Variants in FAM117A observed in about 807,000 individuals in gnomAD.
FAM117A encodes family with sequence similarity 117 member A.
A neutral mutation model predicts 44.1 loss-of-function variants in FAM117A; 21 were observed. That is an observed-to-expected ratio of 0.48 (90% CI 0.34 to 0.69). The LOEUF (loss-of-function observed/expected upper bound fraction) is 0.69, where lower values mean the gene tolerates loss of function less well. Ranked by LOEUF, FAM117A falls within the 30% of genes least tolerant of loss-of-function variation. The pLI is 0.01. For synonymous variants in FAM117A, 220 were observed against 238.3 expected, an observed-to-expected ratio of 0.92 and a Z score of 0.71; for missense variants, 498 against 589.9, an observed-to-expected ratio of 0.84 and a Z score of 1.61.
intron 1 of FAM117A, among the ~76,000 whole-genome samples, chr17:49,760,306 A>G (rs1453471742): frequency 6.6e-6 from 1 of 152,232 alleles, no homozygotes; most frequent in African/African-American, 2.4e-5. Context: ...ATCTTTATAT[A>G]GGAAAAACAG....
chr17:49,788,556 A>G, exon 1 of FAM117A: 2 of 401,386 alleles, frequency 5.0e-6, no homozygotes, highest in South Asian at 6.1e-5. Flanking sequence ...CCCAACTTCA[A>G]AATGGCGCCC....
At chr17:49,762,797 C>T (rs1245755439) in intron 1 of FAM117A, among the ~76,000 whole-genome samples, 1 of 152,218 alleles carries the variant, frequency 6.6e-6, no homozygotes, top group African/African-American at 2.4e-5. Context: ...TCACTTTCAA[C>T]TTATTGCCAA....
At chr17:49,758,190 G>A (rs1177888491) in intron 1 of FAM117A, among the ~76,000 whole-genome samples, 3 of 151,682 alleles carry the variant, frequency 2.0e-5, no homozygotes, top group Non-Finnish European at 4.4e-5. Flanking sequence ...AAATTAGCTG[G>A]GCATGGTGGT....
At chr17:49,733,008 T>C (rs576445152) in intron 1 of FAM117A, 20 of 338,136 alleles carry the variant, frequency 5.9e-5, no homozygotes, top group Admixed American at 2.3e-4. Flanking sequence ...TAATGGACTA[T>C]GAACCGTGAA....
intron 1 of FAM117A, among the ~76,000 whole-genome samples, chr17:49,733,248 C>G (rs2073593993): frequency 6.6e-6 from 1 of 152,204 alleles, no homozygotes; most frequent in Non-Finnish European, 1.5e-5. Context: ...CCCAGGGAAC[C>G]CCGGTGGCTG....
chr17:49,730,192 C>A (rs1221859593), intron 2 of FAM117A, among the ~76,000 whole-genome samples: 1 of 152,232 alleles, frequency 6.6e-6, no homozygotes, highest in African/African-American at 2.4e-5. Flanking sequence ...CACCTCCTGA[C>A]TGCGGCCACA....
rs187054709 is a variant in FAM117A at position 49,732,573 on chromosome 17, C to T, written c.344G>A (p.Cys115Tyr). 21 of 1,614,132 alleles carry T rather than the reference C, an allele frequency of 1.3e-5. No homozygotes were observed. The Admixed American group carries it at 3.2e-4, about 24-fold the overall frequency. ...TACCTGGGTGGCCTTGTCATTGGTGCAGCAGGTGAAGGCCCCATCAGCATC... is the reference window on the plus strand; with the variant it reads ...TACCTGGGTGGCCTTGTCATTGGTGTAGCAGGTGAAGGCCCCATCAGCATC... The part of the protein sequence containing the change: ...PRDADGAFTC[C>Y]TNDKATQTPL... The change falls in exon 2 of 8, where the codon TGC becomes TAC. Residue 115 changes from cysteine (C) to tyrosine (Y), a missense_variant. By Grantham distance (194) the Cys-to-Tyr change is radical. Around this residue, in one of 3 missense-constraint regions of FAM117A, gnomAD observed 270 missense variants for 277.4 expected, o/e 0.97. Transcript: ENST00000240364.
intron 2 of FAM117A, among the ~76,000 whole-genome samples, chr17:49,731,660 T>G (rs563240863): frequency 6.6e-6 from 1 of 152,356 alleles, no homozygotes; most frequent in East Asian, 1.9e-4. Flanking sequence ...TCTGAGAACT[T>G]CCCATTCCTA....
intron 1 of FAM117A, among the ~76,000 whole-genome samples, chr17:49,779,047 G>A (rs1322043902): frequency 6.6e-6 from 1 of 152,220 alleles, no homozygotes; most frequent in African/African-American, 2.4e-5. Flanking sequence ...AGAGTAAAGA[G>A]CATGTGCAAA....
At chr17:49,734,103 A>C (rs2073599435) in intron 1 of FAM117A, among the ~76,000 whole-genome samples, 1 of 150,514 alleles carries the variant, frequency 6.6e-6, no homozygotes, top group African/African-American at 2.5e-5. Flanking sequence ...AGATCACGCC[A>C]CTGCTCTCCA....
intron 5 of FAM117A, 130 bp downstream of exon 5, chr17:49,719,627 GGCT>G: frequency 1.8e-6 from 2 of 1,095,442 alleles, no homozygotes; most frequent in Non-Finnish European, 2.5e-6. Context: ...TCCTTTTGCA[GGCT>G]GGTGTTTGTA....
chr17:49,755,992 G>A (rs189881638), intron 1 of FAM117A, among the ~76,000 whole-genome samples: 1 of 152,272 alleles, frequency 6.6e-6, no homozygotes, highest in African/African-American at 2.4e-5. Context: ...GAAACGTGAG[G>A]TGCCTACTCT....
At chr17:49,770,349 T>A (rs2073757417) in intron 1 of FAM117A, among the ~76,000 whole-genome samples, 1 of 150,418 alleles carries the variant, frequency 6.6e-6, no homozygotes, top group East Asian at 2.0e-4. Flanking sequence ...ATATTTGCTA[T>A]AGCATGAATC....
intron 1 of FAM117A, among the ~76,000 whole-genome samples, chr17:49,733,771 G>C (rs1057054142): frequency 2.0e-5 from 3 of 152,072 alleles, no homozygotes; most frequent in African/African-American, 7.2e-5. Context: ...AAAATGTAAG[G>C]GTACTGGAAT....
chr17:49,770,895 C>A (rs1439537415), intron 1 of FAM117A, among the ~76,000 whole-genome samples: 2 of 148,646 alleles, frequency 1.3e-5, no homozygotes, highest in Non-Finnish European at 3.0e-5. Flanking sequence ...CAGAGTGAGA[C>A]CCTGTCTCAA....
In FAM117A at chr17:49,722,584, G is replaced by A. The variant is rs1324251609; in HGVS notation, c.377C>T (p.Ser126Phe). ...TNDKATQTPL[S>F]WQELEGERAS... ...ACGCTCACCTTCTAGCTCTTGCCAG[G>A]ACAGGGGCGTCTGCAGGGAGAGAAA... The change falls in exon 3 of 8, where the codon TCC becomes TTC. Residue 126 changes from serine (S) to phenylalanine (F), a missense_variant. Transcript: ENST00000240364. The A allele has an allele frequency of 1.9e-6, 3 of 1,613,798 alleles. 1 individual carries two copies. Among genetic ancestry groups the A allele is most frequent in the South Asian group, 2.2e-5 (2 of 91,012 alleles).
intron 1 of FAM117A, among the ~76,000 whole-genome samples, chr17:49,759,555 T>C (rs914329827): frequency 1.3e-5 from 2 of 152,242 alleles, no homozygotes; most frequent in Non-Finnish European, 2.9e-5. Flanking sequence ...TATAGCAAGA[T>C]GATGCCTTGG....
At chr17:49,770,532 T>A (rs2073758055) in intron 1 of FAM117A, among the ~76,000 whole-genome samples, 1 of 152,192 alleles carries the variant, frequency 6.6e-6, no homozygotes, top group Non-Finnish European at 1.5e-5. Context: ...GGACACTTTT[T>A]CGAACTCTTT....
At chr17:49,744,729 A>T (rs1325043549) in intron 1 of FAM117A, among the ~76,000 whole-genome samples, 1 of 151,936 alleles carries the variant, frequency 6.6e-6, no homozygotes, top group Non-Finnish European at 1.5e-5. Flanking sequence ...TGACAAGACA[A>T]GAAACCAGGC....
Sources: gnomAD v4.1 joint callset for allele counts (sites outside exome capture counted in the v4.1 genomes callset) on GRCh38, gnomAD v4.1.1 for gene constraint, gnomAD v4.1.1 regional missense constraint, MANE v1.5 for transcripts, NCBI Gene and HGNC (gene_info 2026-07-23, HGNC 2026-07-21) for gene names.